Variants in HAPLN4 observed in about 807,000 individuals in gnomAD.
The protein encoded by HAPLN4 is brain link protein 2.
HAPLN4 carries 19 observed loss-of-function variants against 28.0 expected under a neutral mutation model. That is an observed-to-expected ratio of 0.68 (90% CI 0.47 to 1.00). The LOEUF is 1.00. Ranked by LOEUF, HAPLN4 falls within the 50% of genes least tolerant of loss-of-function variation. The pLI is 0.00. For synonymous variants in HAPLN4, 274 were observed against 273.0 expected (o/e 1.00, Z -0.03); for missense variants, 587 against 602.6 (o/e 0.97, Z 0.27).
rs753504837 is a variant in HAPLN4 at position 19,262,778 on chromosome 19, G to T, written c.-46C>A. The T allele has an allele frequency of 6.2e-7, 1 of 1,601,166 alleles. No individual in the cohort carries two copies. The highest frequency in any genetic ancestry group is 2.2e-5 in the East Asian group (1 of 44,608). ...CGAGCGGCCCCTACGCACCCGGACT[G>T]CGCTCCCCGCACACCCGGTTAAGAC... is the stretch of plus-strand genomic sequence containing the variant. On this transcript the variant is annotated 5_prime_UTR_variant, in exon 1 of 5. Transcript: ENST00000291481.
chr19:19,258,455 G>T lies in HAPLN4; in HGVS notation c.817+68C>A. The T allele has an allele frequency of 6.7e-7, 1 of 1,481,974 alleles. No homozygotes were observed. Among genetic ancestry groups the T allele is most frequent in the Non-Finnish European group, 9.3e-7 (1 of 1,074,986 alleles). 91.8% of individuals were successfully genotyped at this position (1,481,974 alleles called of 1,614,324 possible). A position where few individuals can be genotyped will look rare whatever the true frequency, so the allele number is the denominator to read the frequency against. On this transcript the variant is annotated intron_variant, in intron 4 of 4. Transcript: ENST00000291481. This position sits in a 1 kb window ranked among gnomAD's most constrained non-coding sequence, Gnocchi z 6.2. Reference sequence around the variant, plus strand: ...TGTTTCTGATCGCTAAGAGCTGGGTGGGGAAGAAGGCCCCGGGGTTGGGGT... The same window carrying T: ...TGTTTCTGATCGCTAAGAGCTGGGTTGGGAAGAAGGCCCCGGGGTTGGGGT...
chr19:19,258,222 G>A lies in HAPLN4; in HGVS notation c.818-14C>T. On this transcript the variant is annotated splice_polypyrimidine_tract_variant and intron_variant, in intron 4 of 4. Coordinates refer to ENST00000291481, the MANE Select transcript of HAPLN4 (RefSeq NM_023002.3). The surrounding 1 kb of genome is among the most constrained non-coding windows in gnomAD (Gnocchi z 6.2). ...AGAACACGCGCCCTGCGGGGGTGAG[G>A]TGGGGGGTGGGTTATTAGTGCGGCT... The A allele has an allele frequency of 6.8e-7, 1 of 1,468,022 alleles. No individual in the cohort carries two copies. Among genetic ancestry groups the A allele is most frequent in the East Asian group, 2.5e-5 (1 of 40,190 alleles). The allele number at this position is 1,468,022 out of a possible 1,614,324, so 90.9% of individuals were successfully genotyped here. A position where few individuals can be genotyped will look rare whatever the true frequency, so the allele number is the denominator to read the frequency against.
At position 19,258,859 on chromosome 19, in the gene HAPLN4, G is replaced by A. The variant is rs746338262; in HGVS notation, c.485-4C>T. On this transcript the variant is annotated splice_region_variant and splice_polypyrimidine_tract_variant and intron_variant, in intron 3 of 4. Coordinates refer to ENST00000291481, the MANE Select transcript of HAPLN4 (RefSeq NM_023002.3). This position sits in a 1 kb window ranked among gnomAD's most constrained non-coding sequence, Gnocchi z 6.2. ...GGGTGGTAGGGAAAGACCACGCCTG[G>A]CGGGGGGCGCACGGGATCAGCAGGT... is the stretch of plus-strand genomic sequence containing the variant. The A allele has an allele frequency of 3.1e-5, 48 of 1,538,656 alleles. No individual in the cohort carries two copies. The highest frequency in any genetic ancestry group is 4.0e-5 in the Non-Finnish European group (46 of 1,141,704).
intron 3 of HAPLN4, among the ~76,000 whole-genome samples, chr19:19,259,531 TGACA>T (rs150641967): frequency 0.056 from 8,465 of 152,228 alleles, 264 homozygotes; most frequent in South Asian, 0.11. Context: ...GGCCTGGAGC[TGACA>T]GACTGGGGAT....
chr19:19,262,102 A>G (rs1322813379), intron 1 of HAPLN4, among the ~76,000 whole-genome samples: 1 of 151,804 alleles, frequency 6.6e-6, no homozygotes, highest in African/African-American at 2.4e-5. Flanking sequence ...AGAGGGAGAG[A>G]CAGATGGAAA....
chr19:19,258,566 G>T lies in HAPLN4; in HGVS notation c.774C>A (p.Ala258=), dbSNP rs781137725. ...GLRNYGYRHN[A]EERYDAFCFT... The stretch of plus-strand genomic sequence containing the variant: ...AGCAGAAGGCGTCGTAGCGTTCCTC[G>T]GCGTTATGGCGATACCCGTAGTTGC... The change falls in exon 4 of 5, where the codon GCC becomes GCA. Residue 258 remains alanine, a synonymous_variant. Transcript: ENST00000291481. This position sits in a 1 kb window ranked among gnomAD's most constrained non-coding sequence, Gnocchi z 6.2. 6.2e-7 allele frequency: 1 copy of T among 1,613,714 alleles called. No homozygotes were observed. The highest frequency in any genetic ancestry group is 1.7e-5 in the Admixed American group (1 of 60,020).
rs1342563954 is a variant in HAPLN4 at position 19,256,624 on chromosome 19, T to C, written c.*1193A>G. 6.6e-6 allele frequency: 1 copy of C among 152,528 alleles called. No individual in the cohort carries two copies. The highest frequency in any genetic ancestry group is 1.5e-5 in the Non-Finnish European group (1 of 68,110). The allele number at this position is 152,528 out of a possible 1,614,324, so 9.4% of individuals were successfully genotyped here. On this transcript the variant is annotated 3_prime_UTR_variant, in exon 5 of 5. Coordinates refer to ENST00000291481, the MANE Select transcript of HAPLN4 (RefSeq NM_023002.3). ...CCTGGGGGTGGAGCATGGAGGGTGG[T>C]CTGGAACTGGAGTGGGCCTGGGGAC...
In HAPLN4 at chr19:19,258,588, T is replaced by C. The variant is rs1354168827; in HGVS notation, c.752A>G (p.Asn251Ser). 2 of 1,613,566 alleles carry C rather than the reference T, an allele frequency of 1.2e-6. No individual in the cohort carries two copies. The highest frequency in any genetic ancestry group is 2.7e-5 in the African/African-American group (2 of 74,898). Residue 251 changes from asparagine (N) to serine (S), a missense_variant, in exon 4 of 5, where the codon AAC (asparagine) becomes AGC (serine). By Grantham distance (46) the Asn-to-Ser change is conservative. Coordinates refer to ENST00000291481, the MANE Select transcript of HAPLN4 (RefSeq NM_023002.3). This position sits in a 1 kb window ranked among gnomAD's most constrained non-coding sequence, Gnocchi z 6.2. ...CTCGGCGTTATGGCGATACCCGTAG[T>C]TGCGCAGGCCCCCGTTGGCATCACC... is the stretch of plus-strand genomic sequence containing the variant. ...GGGDANGGLR[N>S]YGYRHNAEER... is the part of the protein sequence containing the mutation.
chr19:19,257,695 T>G lies in HAPLN4; in HGVS notation c.*122A>C. 1 of 1,197,772 alleles carries G rather than the reference T, an allele frequency of 8.3e-7. No individual in the cohort carries two copies. Among genetic ancestry groups the G allele is most frequent in the Non-Finnish European group, 1.1e-6 (1 of 932,996 alleles). 74.2% of individuals were successfully genotyped at this position (1,197,772 alleles called of 1,614,324 possible). A position where few individuals can be genotyped will look rare whatever the true frequency, so the allele number is the denominator to read the frequency against. ...TCAGGGACCCCAGGGGCACAGTTAG[T>G]TTGTAAGGGACCACAGGGAATGTGG... On this transcript the variant is annotated 3_prime_UTR_variant, in exon 5 of 5. Transcript: ENST00000291481.
At chr19:19,260,687 T>C in intron 3 of HAPLN4, 126 bp downstream of exon 3, 1 of 1,146,930 alleles carries the variant, frequency 8.7e-7, no homozygotes, top group Non-Finnish European at 1.2e-6. Flanking sequence ...GAACCAGATA[T>C]GGGGGCTCTA....
At chr19:19,259,977 CT>C (rs2060977952) in intron 3 of HAPLN4, among the ~76,000 whole-genome samples, 3 of 152,176 alleles carry the variant, frequency 2.0e-5, no homozygotes, top group African/African-American at 7.2e-5. Flanking sequence ...GGGACTCTAG[CT>C]GCTGCTCCTA....
In HAPLN4 at chr19:19,257,876, C is replaced by T; in HGVS notation, c.1150G>A (p.Gly384Ser). 3.5e-6 allele frequency: 5 copies of T among 1,447,134 alleles called. No individual in the cohort carries two copies. Among genetic ancestry groups the T allele is most frequent in the Non-Finnish European group, 3.6e-6 (4 of 1,110,144 alleles). 89.6% of individuals were successfully genotyped at this position (1,447,134 alleles called of 1,614,324 possible). A position where few individuals can be genotyped will look rare whatever the true frequency, so the allele number is the denominator to read the frequency against. The change falls in exon 5 of 5, where the codon GGC becomes AGC. Residue 384 changes from glycine to serine, a missense_variant. By Grantham distance (56) the Gly-to-Ser change is moderately conservative (BLOSUM62 0). Coordinates refer to ENST00000291481, the MANE Select transcript of HAPLN4 (RefSeq NM_023002.3). ...PGGWGWGWAG[G>S]GGWAGGARDP... The stretch of plus-strand genomic sequence containing the variant: ...CGCGCGCCCCCTGCCCAGCCGCCGC[C>T]GCCCGCCCAGCCCCAGCCCCAGCCG...
At chr19:19,261,358 G>C in intron 2 of HAPLN4, 88 bp downstream of exon 2, 1 of 1,334,368 alleles carries the variant, frequency 7.5e-7, no homozygotes, top group Non-Finnish European at 1.1e-6. Context: ...AACCGCGGAC[G>C]TCAGGAACGC....
At chr19:19,262,351 C>G in intron 1 of HAPLN4, among the ~76,000 whole-genome samples, 1 of 134,572 alleles carries the variant, frequency 7.4e-6, no homozygotes, top group African/African-American at 2.9e-5. Flanking sequence ...CAGAGGGAGA[C>G]AGAGAGGCAG....
At chr19:19,261,293 A>G in intron 2 of HAPLN4, 118 bp from the exon 3 acceptor site, 1 of 1,270,770 alleles carries the variant, frequency 7.9e-7, no homozygotes, top group Non-Finnish European at 1.1e-6. Flanking sequence ...GGGAATCAGA[A>G]GGGTCCAGGG....
Position 19,254,858 on chromosome 19 carries a change from C to T in HAPLN4, c.*2959G>A, listed in dbSNP as rs1161504724. 1 of 152,312 alleles carries T rather than the reference C, an allele frequency of 6.6e-6. No homozygotes were observed. Among genetic ancestry groups the T allele is most frequent in the Non-Finnish European group, 1.5e-5 (1 of 68,142 alleles). The allele number at this position is 152,312 out of a possible 1,614,324, so 9.4% of individuals were successfully genotyped here. On this transcript the variant is annotated 3_prime_UTR_variant, in exon 5 of 5. Transcript: ENST00000291481. The stretch of plus-strand genomic sequence containing the variant: ...GCTCACTGCAGCCTCGACCTTCTGG[C>T]TCAAGCAATCCTCCCACCTTGGTCT...
intron 1 of HAPLN4, 149 bp from the exon 2 acceptor site, chr19:19,261,712 C>T: frequency 1.8e-6 from 1 of 557,224 alleles, no homozygotes; most frequent in Non-Finnish European, 3.1e-6. Context: ...AACTCCCCCT[C>T]CTCCTCTTGG....
In HAPLN4 at chr19:19,258,748, G is replaced by C; in HGVS notation, c.592C>G (p.Leu198Val). Reference protein sequence around the residue: ...QDGILASAEQLHAAWRDGLDW... With the variant: ...QDGILASAEQVHAAWRDGLDW... ...AGGCCGTCGCGCCAGGCCGCGTGCA[G>C]CTGTTCTGCAGATGCCAGGATGCCG... The change falls in exon 4 of 5, where the codon CTG becomes GTG. Residue 198 changes from leucine (L) to valine (V), a missense_variant. Physicochemically the swap from Leu to Val is conservative, Grantham distance 32 (BLOSUM62 1). Transcript: ENST00000291481. The surrounding 1 kb of genome is among the most constrained non-coding windows in gnomAD (Gnocchi z 6.2). The C allele has an allele frequency of 3.1e-6, 5 of 1,604,284 alleles. No individual in the cohort carries two copies. Among genetic ancestry groups the C allele is most frequent in the Non-Finnish European group, 4.2e-6 (5 of 1,176,956 alleles).
Position 19,261,545 on chromosome 19 carries a change from G to A in HAPLN4, c.22C>T (p.Leu8Phe). The A allele has an allele frequency of 6.4e-7, 1 of 1,564,732 alleles. No homozygotes were observed. Among genetic ancestry groups the A allele is most frequent in the South Asian group, 1.2e-5 (1 of 85,516 alleles). MVCARAA[L>F]GPGALWAAAW... ...GCGGCCCAGAGCGCGCCGGGACCGAGGGCCGCCCGAGCGCACACCTGGGGG... is the reference window on the plus strand; with the variant it reads ...GCGGCCCAGAGCGCGCCGGGACCGAAGGCCGCCCGAGCGCACACCTGGGGG... Residue 8 changes from leucine to phenylalanine, a missense_variant, in exon 2 of 5, where the codon CTC becomes TTC. Leu to Phe is a conservative substitution (Grantham distance 22). Coordinates refer to ENST00000291481, the MANE Select transcript of HAPLN4 (RefSeq NM_023002.3).
Sources: gnomAD v4.1 joint callset for allele counts (sites outside exome capture counted in the v4.1 genomes callset) on GRCh38, gnomAD v4.1.1 for gene constraint, Gnocchi (gnomAD v3.1) non-coding constraint, MANE v1.5 for transcripts, NCBI Gene and HGNC (gene_info 2026-07-23, HGNC 2026-07-21) for gene names.